ARHGEF11: variants seen among roughly 807,000 people sequenced by gnomAD.
ARHGEF11 encodes Rho guanine exchange factor (GEF) 11.
ARHGEF11 carries 55 observed loss-of-function variants against 193.7 expected under a neutral mutation model. The ratio of observed to expected loss-of-function variants is 0.28; its 90% CI spans 0.23 to 0.36. The LOEUF is 0.36. Ranked by LOEUF, ARHGEF11 falls within the 10% of genes least tolerant of loss-of-function variation. The probability of loss-of-function intolerance (pLI) is 1.00; values close to 1 mark genes in which losing one functional copy is unlikely to be tolerated. For missense variants in ARHGEF11, 1,723 were observed against 2,005.6 expected, an observed-to-expected ratio of 0.86 and a Z score of 2.69; for synonymous variants, 693 against 768.0, an observed-to-expected ratio of 0.90 and a Z score of 1.62.
At chr1:156,940,118 G>C in intron 36 of ARHGEF11, 89 bp downstream of exon 36, 1 of 1,453,040 alleles carries the variant, frequency 6.9e-7, no homozygotes, top group Non-Finnish European at 9.3e-7. Context: ...AAGAGCCTTC[G>C]GGAAGGTGGA....
chr1:156,966,162 G>A (rs915951751), intron 11 of ARHGEF11, among the ~76,000 whole-genome samples: 4 of 152,138 alleles, frequency 2.6e-5, no homozygotes, highest in African/African-American at 9.7e-5. Flanking sequence ...TAGGATTATC[G>A]TTTGCTCTGT....
intron 22 of ARHGEF11, among the ~76,000 whole-genome samples, chr1:156,950,799 C>G (rs566790414): frequency 5.3e-5 from 8 of 152,182 alleles, no homozygotes; most frequent in East Asian, 3.8e-4. Flanking sequence ...TATTTCCCCC[C>G]ACACAAGACC....
At chr1:156,978,750 TG>T (rs1203819261) in intron 5 of ARHGEF11, among the ~76,000 whole-genome samples, 3 of 152,244 alleles carry the variant, frequency 2.0e-5, no homozygotes, top group Admixed American at 6.5e-5. Flanking sequence ...TCTAGCCCTC[TG>T]CTCTCCCCAA....
intron 21 of ARHGEF11, among the ~76,000 whole-genome samples, chr1:156,952,472 G>C (rs1659258967): frequency 1.3e-5 from 2 of 152,186 alleles, no homozygotes; most frequent in Non-Finnish European, 2.9e-5. Flanking sequence ...TCAGTTCTGA[G>C]CCCATCCATA....
intron 1 of ARHGEF11, among the ~76,000 whole-genome samples, chr1:157,035,641 T>C (rs560285581): frequency 9.9e-5 from 15 of 151,716 alleles, no homozygotes; most frequent in South Asian, 4.2e-4. Context: ...CCTGATCACA[T>C]AGCTAGTTAG....
At chr1:156,968,863 A>G (rs965696963) in intron 10 of ARHGEF11, among the ~76,000 whole-genome samples, 2 of 152,234 alleles carry the variant, frequency 1.3e-5, no homozygotes, top group African/African-American at 4.8e-5. Flanking sequence ...AAAGATCCAC[A>G]GCAAAAAAAG....
At chr1:157,024,868 G>A (rs1670454722) in intron 1 of ARHGEF11, among the ~76,000 whole-genome samples, 1 of 152,132 alleles carries the variant, frequency 6.6e-6, no homozygotes, top group African/African-American at 2.4e-5. Context: ...TAGCTTAATA[G>A]TTCTCTCATG....
intron 11 of ARHGEF11, among the ~76,000 whole-genome samples, chr1:156,965,259 C>T (rs533329622): frequency 5.5e-4 from 84 of 152,268 alleles, no homozygotes; most frequent in African/African-American, 2.0e-3. Context: ...GAAGGAAAGC[C>T]TTTCCTAGAA....
chr1:156,958,134 G>A (rs1481080343), intron 17 of ARHGEF11, among the ~76,000 whole-genome samples: 1 of 152,176 alleles, frequency 6.6e-6, no homozygotes, highest in Non-Finnish European at 1.5e-5. Context: ...TAACTACTTA[G>A]TGAGAAGCAG....
At chr1:156,945,958 G>T in intron 29 of ARHGEF11, 87 bp downstream of exon 29, 1 of 1,066,070 alleles carries the variant, frequency 9.4e-7, no homozygotes, top group South Asian at 1.4e-5. Context: ...AAGGCACAGT[G>T]ACTTGCTAAG....
intron 1 of ARHGEF11, among the ~76,000 whole-genome samples, chr1:157,016,425 G>A (rs895986700): frequency 2.0e-5 from 3 of 152,052 alleles, no homozygotes; most frequent in African/African-American, 7.2e-5. Context: ...TCACCATGTT[G>A]GCTAGGCTGG....
At chr1:156,958,123 A>G (rs554559040) in intron 17 of ARHGEF11, among the ~76,000 whole-genome samples, 10 of 152,224 alleles carry the variant, frequency 6.6e-5, no homozygotes, top group Non-Finnish European at 1.0e-4. Flanking sequence ...CCAAGGTCAC[A>G]TAACTACTTA....
rs1673142956 is a variant in ARHGEF11, at chr1:157,044,556, A to G, written c.-226T>C. On this transcript the variant is annotated 5_prime_UTR_variant, in exon 1 of 41. Transcript: ENST00000368194. The stretch of plus-strand genomic sequence containing the variant: ...CCTCTTCCCCTCCCCCGCTTTAAAA[A>G]AAAAGAAAAGAAAAGAAAAAAGAAA... The G allele has an allele frequency of 2.2e-6, 1 of 460,280 alleles. No homozygotes were observed. Among genetic ancestry groups the G allele is most frequent in the South Asian group, 5.6e-5 (1 of 17,762 alleles). The allele number at this position is 460,280 out of a possible 1,614,324, so 28.5% of individuals were successfully genotyped here. A position where few individuals can be genotyped will look rare whatever the true frequency, so the allele number is the denominator to read the frequency against.
chr1:156,945,885 T>G, intron 29 of ARHGEF11, 160 bp downstream of exon 29: 3 of 606,440 alleles, frequency 4.9e-6, no homozygotes, highest in South Asian at 4.1e-5. Flanking sequence ...AAAGGACATT[T>G]ACAATCATTT....
rs146877289 is a variant in ARHGEF11 at position 156,947,936 on chromosome 1, A to G, written c.2174T>C (p.Leu725Ser). 1 of 1,613,630 alleles carries G rather than the reference A, an allele frequency of 6.2e-7. No homozygotes were observed. The change falls in exon 25 of 41, where the codon TTG becomes TCG. Residue 725 changes from leucine (L) to serine (S), a missense_variant. Transcript: ENST00000368194. The part of the protein sequence containing the change: ...MGRRSIESPS[L>S]GFCTDTLLPH... Reference sequence around the variant, plus strand: ...AAGGAGGGTATCTGTGCAGAACCCCAAACTGGGGGACTCAATGCTCCTGGG... The same window carrying G: ...AAGGAGGGTATCTGTGCAGAACCCCGAACTGGGGGACTCAATGCTCCTGGG...
chr1:156,963,285 T>G lies in ARHGEF11; in HGVS notation c.1058A>C (p.Asp353Ala). ...TGGCCGAGACTTCAGTTTCTCCAGA[T>G]CCTGGAATATGATGTCGCTCTGGAA... ...FNNESDIIFQ[D>A]LEKLKSRPAH... The change falls in exon 13 of 41, where the codon GAT becomes GCT. Residue 353 changes from aspartate (D) to alanine (A), a missense_variant. Physicochemically the swap from Asp to Ala is moderately radical, Grantham distance 126. Around this residue, in one of 5 missense-constraint regions of ARHGEF11, gnomAD observed 646 missense variants for 710.7 expected, o/e 0.91. Coordinates refer to ENST00000368194, the MANE Select transcript of ARHGEF11 (RefSeq NM_198236.3). 1 of 1,614,098 alleles carries G rather than the reference T, an allele frequency of 6.2e-7. No homozygotes were observed. Among genetic ancestry groups the G allele is most frequent in the South Asian group, 1.1e-5 (1 of 91,048 alleles).
rs747103011 is a variant in ARHGEF11, at chr1:156,948,592, A to T, written c.1926-94T>A. The T allele has an allele frequency of 1.2e-6, 2 of 1,608,592 alleles. No individual in the cohort carries two copies. The highest frequency in any genetic ancestry group is 1.7e-6 in the Non-Finnish European group (2 of 1,178,434). On this transcript the variant is annotated intron_variant, in intron 22 of 40. Transcript: ENST00000368194. This position sits in a 1 kb window ranked among gnomAD's most constrained non-coding sequence, Gnocchi z 4.2. The stretch of plus-strand genomic sequence containing the variant: ...TCTTACCTGTGGCTCCATCTCAAAG[A>T]TGCCTCCGTGCCACAGGTTCTCCTC...
intron 1 of ARHGEF11, among the ~76,000 whole-genome samples, chr1:157,017,657 A>C (rs1174402926): frequency 1.4e-5 from 2 of 147,686 alleles, no homozygotes; most frequent in Non-Finnish European, 3.0e-5. Context: ...CAGTGAGCCA[A>C]GACCGCGCCA....
Position 156,948,162 on chromosome 1 carries a change from C to T in ARHGEF11, c.2153+19G>A. The T allele has an allele frequency of 6.4e-7, 1 of 1,552,414 alleles. No individual in the cohort carries two copies. Among genetic ancestry groups the T allele is most frequent in the Non-Finnish European group, 8.7e-7 (1 of 1,147,212 alleles). ...ACACAGAGACACCAAACAGAGGCAC[C>T]ACCGTGCCCATCACTTACCTGCGGC... On this transcript the variant is annotated intron_variant, in intron 24 of 40. Transcript: ENST00000368194. The surrounding 1 kb of genome is among the most constrained non-coding windows in gnomAD (Gnocchi z 4.2).
Sources: gnomAD v4.1 joint callset for allele counts (sites outside exome capture counted in the v4.1 genomes callset) on GRCh38, gnomAD v4.1.1 for gene constraint, gnomAD v4.1.1 regional missense constraint, Gnocchi (gnomAD v3.1) non-coding constraint, MANE v1.5 for transcripts, NCBI Gene and HGNC (gene_info 2026-07-23, HGNC 2026-07-21) for gene names.